Variants in SARDH observed in about 807,000 individuals in gnomAD.
SARDH encodes sarcosine dehydrogenase.
In SARDH, 95 loss-of-function variants were observed where a neutral mutation model predicts 109.1. The ratio of observed to expected loss-of-function variants is 0.87; its 90% CI spans 0.74 to 1.03. The LOEUF (loss-of-function observed/expected upper bound fraction) is 1.03. SARDH is among the 50% of genes least tolerant of loss of function. SARDH has a pLI of 0.00. For synonymous variants in SARDH, 572 were observed against 534.8 expected (o/e 1.07, Z -0.96); for missense variants, 1,267 against 1,287.8 (o/e 0.98, Z 0.25).
Position 133,725,415 on chromosome 9 carries a change from G to A in SARDH, c.915+4350C>T, listed in dbSNP as rs184560341. ...CAGCTAAGCATGGTGGCTCACGCCT[G>A]TAATCCTAGCACTTTGGAAGTCCGA... On this transcript the variant is annotated intron_variant, in intron 6 of 20. Transcript: ENST00000439388. 1,968 of 321,216 alleles carry A rather than the reference G, an allele frequency of 6.1e-3. 10 individuals carry two copies. Among genetic ancestry groups the A allele is most frequent in the Non-Finnish European group, 9.3e-3 (1,497 of 160,444 alleles). The allele number at this position is 321,216 out of a possible 1,614,324, so 19.9% of individuals were successfully genotyped here. A position where few individuals can be genotyped will look rare whatever the true frequency, so the allele number is the denominator to read the frequency against.
Position 133,734,412 on chromosome 9 carries a change from TTCATTCATTCATTCAC to T in SARDH, c.-30-225_-30-210del, listed in dbSNP as rs201202442. ...ATTCATTCACTCATTCATTCACTCA[TTCATTCATTCATTCAC>T]TCATTCATTCACTCATTCATTCATT... On this transcript the variant is annotated intron_variant, in intron 1 of 20. Coordinates refer to ENST00000439388, the MANE Select transcript of SARDH (RefSeq NM_001134707.2). Among the ~76,000 whole-genome samples the T allele has an allele frequency of 3.3e-3, 422 of 127,284 alleles. 2 individuals carry two copies. Among genetic ancestry groups the T allele is most frequent in the East Asian group, 7.5e-3 (37 of 4,902 alleles). The allele number at this position is 127,284 out of a possible 152,430, so 83.5% of individuals were successfully genotyped here.
chr9:133,661,023 T>C (rs1010144067), downstream of SARDH, among the ~76,000 whole-genome samples: 3 of 152,150 alleles, frequency 2.0e-5, no homozygotes, highest in African/African-American at 7.2e-5. Context: ...GGCAACATAG[T>C]GAAATCCTGT....
chr9:133,694,085 C>G (rs1269416482), intron 15 of SARDH, among the ~76,000 whole-genome samples, 173 bp downstream of exon 15: 1 of 152,232 alleles, frequency 6.6e-6, no homozygotes, highest in East Asian at 1.9e-4. Context: ...AACAAAGCCC[C>G]CATTTAGCCT....
intron 17 of SARDH, among the ~76,000 whole-genome samples, chr9:133,678,311 G>A (rs567566986): frequency 7.9e-5 from 12 of 152,258 alleles, no homozygotes; most frequent in Middle Eastern, 3.4e-3. Context: ...ATGAGGACTC[G>A]GGACTAAAGG....
chr9:133,678,049 G>A (rs530808615), intron 17 of SARDH, among the ~76,000 whole-genome samples: 28 of 152,332 alleles, frequency 1.8e-4, no homozygotes, highest in Non-Finnish European at 2.6e-4. Flanking sequence ...CCAGGCCCTG[G>A]AGGGAGTTCT....
intron 17 of SARDH, among the ~76,000 whole-genome samples, chr9:133,672,377 T>C (rs111636265): frequency 2.1e-3 from 326 of 152,328 alleles, no homozygotes; most frequent in African/African-American, 7.4e-3. Flanking sequence ...AGTTAGGATG[T>C]AGATATATGT....
Position 133,671,547 on chromosome 9 carries a change from T to C in SARDH, c.2314A>G (p.Ser772Gly). ...ACCCTGCACTCACCTTTCTCAATGC[T>C]CAGGGAGTCGATGGCGCGGTACCCT... ...NAGYRAIDSL[S>G]IEKGYRHWHA... The change falls in exon 18 of 21, where the codon AGC (serine) becomes GGC (glycine). Residue 772 changes from serine to glycine, a missense_variant. Coordinates refer to ENST00000439388, the MANE Select transcript of SARDH (RefSeq NM_001134707.2). 1.9e-6 allele frequency: 3 copies of C among 1,606,560 alleles called. No homozygotes were observed. Among genetic ancestry groups the C allele is most frequent in the Non-Finnish European group, 1.7e-6 (2 of 1,177,590 alleles).
At position 133,709,213 on chromosome 9, in the gene SARDH, A is replaced by G. The variant is rs1160405802; in HGVS notation, c.1329-785T>C. On this transcript the variant is annotated intron_variant, in intron 10 of 20. Transcript: ENST00000439388. The surrounding 1 kb of genome is among the most constrained non-coding windows in gnomAD (Gnocchi z 4.2). ...GTCCAGCACGAACCCGGCGGGCCCC[A>G]TGCTATTTCTCATGGAGCTACGGAG... Among the ~76,000 whole-genome samples the G allele has an allele frequency of 6.6e-6, 1 of 152,072 alleles. No homozygotes were observed. The highest frequency in any genetic ancestry group is 1.5e-5 in the Non-Finnish European group (1 of 67,992).
At chr9:133,660,467 T>TA (rs1000031918), downstream of SARDH, among the ~76,000 whole-genome samples, 2 of 152,146 alleles carry the variant, frequency 1.3e-5, no homozygotes, top group South Asian at 2.1e-4. Flanking sequence ...GTTCCTTATT[T>TA]AGAGGCTTAG....
chr9:133,697,610 G>C (rs1398502190), intron 13 of SARDH, among the ~76,000 whole-genome samples: 1 of 152,194 alleles, frequency 6.6e-6, no homozygotes, highest in African/African-American at 2.4e-5. Flanking sequence ...TATGAGGTTG[G>C]TTTAACATTC....
At chr9:133,662,512 C>T (rs150024007), downstream of SARDH, among the ~76,000 whole-genome samples, 5 of 152,296 alleles carry the variant, frequency 3.3e-5, no homozygotes, top group African/African-American at 1.2e-4. This position sits in a 1 kb window ranked among gnomAD's most constrained non-coding sequence, Gnocchi z 5.1. Flanking sequence ...CAGCCTGAAG[C>T]GTGTGAAAGC....
At chr9:133,702,615 A>G (rs1343902004) in intron 13 of SARDH, among the ~76,000 whole-genome samples, 1 of 152,164 alleles carries the variant, frequency 6.6e-6, no homozygotes, top group Non-Finnish European at 1.5e-5. Flanking sequence ...GGAGGCTCAG[A>G]GCGGTGCAGC....
rs1459009521 is a variant in SARDH, at chr9:133,728,367, G to C, written c.915+1398C>G. ...GCAATGGGCAGCCCCCAGGGACGAG[G>C]CTCCCAGCTCAGGGGCCCAGGCTTC... On this transcript the variant is annotated intron_variant, in intron 6 of 20. Transcript: ENST00000439388. The surrounding 1 kb of genome is among the most constrained non-coding windows in gnomAD (Gnocchi z 5.0). Among the ~76,000 whole-genome samples, 1 of 152,172 alleles carries C rather than the reference G, an allele frequency of 6.6e-6. No individual in the cohort carries two copies. Among genetic ancestry groups the C allele is most frequent in the Non-Finnish European group, 1.5e-5 (1 of 68,022 alleles).
intron 14 of SARDH, 60 bp from the exon 15 acceptor site, chr9:133,694,431 T>C: frequency 1.4e-6 from 2 of 1,389,274 alleles, no homozygotes; most frequent in South Asian, 1.2e-5. Context: ...CTGTGCTGCC[T>C]CAGTTTCCCC....
At chr9:133,661,685 T>C (rs1832417397), downstream of SARDH, among the ~76,000 whole-genome samples, 1 of 151,954 alleles carries the variant, frequency 6.6e-6, no homozygotes, top group African/African-American at 2.4e-5. Flanking sequence ...TTCACCATAT[T>C]GGTCAGGCTG....
At chr9:133,736,040 C>CAAAA (rs60023194) in intron 1 of SARDH, among the ~76,000 whole-genome samples, 1 of 116,862 alleles carries the variant, frequency 8.6e-6, no homozygotes, top group Non-Finnish European at 1.9e-5. Context: ...AACTCCGTCT[C>CAAAA]AAAAAAAAAA....
intron 17 of SARDH, among the ~76,000 whole-genome samples, chr9:133,678,326 C>A (rs1163413602): frequency 2.0e-5 from 3 of 152,192 alleles, no homozygotes; most frequent in African/African-American, 7.2e-5. Context: ...TAAAGGGGAC[C>A]AGAAGGCCTC....
intron 3 of SARDH, 82 bp from the exon 4 acceptor site, chr9:133,731,566 G>T (rs186710998): frequency 7.2e-7 from 1 of 1,379,694 alleles, no homozygotes; most frequent in East Asian, 2.3e-5. Context: ...GGCATCCACC[G>T]CAAACCCCAG....
intron 11 of SARDH, among the ~76,000 whole-genome samples, chr9:133,707,198 G>A (rs963827519): frequency 6.6e-6 from 1 of 152,212 alleles, no homozygotes; most frequent in African/African-American, 2.4e-5. Flanking sequence ...TGGGGGGCAG[G>A]GGCGTGCTTC....
Sources: gnomAD v4.1 joint callset for allele counts (sites outside exome capture counted in the v4.1 genomes callset) on GRCh38, gnomAD v4.1.1 for gene constraint, Gnocchi (gnomAD v3.1) non-coding constraint, MANE v1.5 for transcripts, NCBI Gene and HGNC (gene_info 2026-07-23, HGNC 2026-07-21) for gene names.